Variants in CDC25A observed in about 807,000 individuals in gnomAD.
CDC25A encodes the protein M-phase inducer phosphatase 1.
Under a neutral mutation model 64.6 loss-of-function variants are expected in CDC25A, and 17 were observed. That is an observed-to-expected ratio of 0.26 (90% CI 0.18 to 0.39). CDC25A has a LOEUF of 0.39. Among genes scored for constraint, CDC25A ranks in the 10% least tolerant of loss-of-function variants. CDC25A has a pLI of 1.00. For missense variants in CDC25A, 473 were observed against 654.8 expected (o/e 0.72, Z 3.03); for synonymous variants, 229 against 238.6 (o/e 0.96, Z 0.37).
chr3:48,172,043 C>A (rs1394313043), intron 9 of CDC25A, among the ~76,000 whole-genome samples: 1 of 152,072 alleles, frequency 6.6e-6, no homozygotes, highest in Non-Finnish European at 1.5e-5. Context: ...GTGGTGCATG[C>A]CTGTAGTCCC....
chr3:48,185,925 A>G (rs1217247520), intron 2 of CDC25A, among the ~76,000 whole-genome samples: 3 of 152,202 alleles, frequency 2.0e-5, no homozygotes, highest in African/African-American at 4.8e-5. Context: ...CCTACATTAC[A>G]TTTTAAGACT....
chr3:48,187,469 T>A (rs2032883469), intron 1 of CDC25A, among the ~76,000 whole-genome samples: 2 of 152,188 alleles, frequency 1.3e-5, no homozygotes, highest in Non-Finnish European at 2.9e-5. Flanking sequence ...CGGGGGTAGA[T>A]TCCAAAGAGC....
At chr3:48,164,236 C>T in intron 13 of CDC25A, 71 bp downstream of exon 13, 1 of 1,415,442 alleles carries the variant, frequency 7.1e-7, no homozygotes, top group South Asian at 1.6e-5. Context: ...AAGTGCAAGC[C>T]ACAAACCACC....
chr3:48,171,999 T>TA (rs558850316), intron 9 of CDC25A, among the ~76,000 whole-genome samples: 1 of 151,818 alleles, frequency 6.6e-6, no homozygotes, highest in Non-Finnish European at 1.5e-5. Context: ...CTACAAAAAA[T>TA]AAAAAAAAAT....
At chr3:48,170,338 T>C (rs886287365) in intron 9 of CDC25A, among the ~76,000 whole-genome samples, 4 of 152,216 alleles carry the variant, frequency 2.6e-5, no homozygotes, top group Non-Finnish European at 5.9e-5. Context: ...CTCTGGATCT[T>C]CTGATCTACG....
chr3:48,159,719 A>G (rs1285562729), intron 13 of CDC25A, among the ~76,000 whole-genome samples: 1 of 151,854 alleles, frequency 6.6e-6, no homozygotes, highest in East Asian at 1.9e-4. Flanking sequence ...CACCTTCACC[A>G]CCACAGTTTG....
chr3:48,187,663 G>A, intron 1 of CDC25A, 115 bp downstream of exon 1: 1 of 1,066,202 alleles, frequency 9.4e-7, no homozygotes, highest in Non-Finnish European at 1.3e-6. Context: ...GTCCCCGAGC[G>A]GCGAACCCGG....
intron 2 of CDC25A, 129 bp from the exon 3 acceptor site, chr3:48,184,824 T>C (rs1479081577): frequency 1.6e-6 from 1 of 639,318 alleles, no homozygotes; most frequent in Non-Finnish European, 2.7e-6. Context: ...GGCTTGTACT[T>C]TTGCCAGAAT....
chr3:48,176,142 C>T (rs1359715807), intron 8 of CDC25A, among the ~76,000 whole-genome samples: 3 of 152,186 alleles, frequency 2.0e-5, no homozygotes, highest in Non-Finnish European at 4.4e-5. Context: ...CACTGCACCC[C>T]AGCCTGGGCA....
chr3:48,184,378 A>G (rs2032774666), intron 3 of CDC25A, among the ~76,000 whole-genome samples: 1 of 152,002 alleles, frequency 6.6e-6, no homozygotes, highest in Admixed American at 6.6e-5. Flanking sequence ...CAAACAAAAA[A>G]ACCCCACATG....
chr3:48,171,474 G>C (rs1402812484), intron 9 of CDC25A, among the ~76,000 whole-genome samples: 1 of 148,696 alleles, frequency 6.7e-6, no homozygotes, highest in East Asian at 2.0e-4. Context: ...TCCATTTCCC[G>C]GGTTCAAGCG....
chr3:48,167,111 T>C (rs957215002), intron 10 of CDC25A, among the ~76,000 whole-genome samples: 1 of 152,178 alleles, frequency 6.6e-6, no homozygotes, highest in African/African-American at 2.4e-5. Context: ...CTCACTAAAA[T>C]TTATTTCAGT....
rs371829889 is a variant in CDC25A, at chr3:48,177,933, G to T, written c.605C>A (p.Thr202Lys). The T allele has an allele frequency of 1.3e-5, 21 of 1,613,468 alleles. No homozygotes were observed. Among genetic ancestry groups the T allele is most frequent in the Non-Finnish European group, 1.6e-5 (19 of 1,179,728 alleles). Residue 202 changes from threonine to lysine, a missense_variant, in exon 7 of 15, where the codon ACA becomes AAA. Transcript: ENST00000302506. Reference sequence around the variant, plus strand: ...AGTGGCTGTCACAGGTGACTGGGGTGTAAAAAGAGGAATGAAATTCCCTGG... The same window carrying T: ...AGTGGCTGTCACAGGTGACTGGGGTTTAAAAAGAGGAATGAAATTCCCTGG... ...SEPGNFIPLF[T>K]PQSPVTATLS...
chr3:48,164,456 C>A lies in CDC25A; in HGVS notation c.1192-19G>T. On this transcript the variant is annotated intron_variant, in intron 12 of 14. Coordinates refer to ENST00000302506, the MANE Select transcript of CDC25A (RefSeq NM_001789.3). Reference sequence around the variant, plus strand: ...CTGCACCCTGTGAAGACAACAGAGACCCTTGGAACCTGCACGTTTCACACA... The same window carrying A: ...CTGCACCCTGTGAAGACAACAGAGAACCTTGGAACCTGCACGTTTCACACA... 6.6e-7 allele frequency: 1 copy of A among 1,506,794 alleles called. No homozygotes were observed. Among genetic ancestry groups the A allele is most frequent in the South Asian group, 1.3e-5 (1 of 74,086 alleles). The allele number at this position is 1,506,794 out of a possible 1,614,324, so 93.3% of individuals were successfully genotyped here. A position where few individuals can be genotyped will look rare whatever the true frequency, so the allele number is the denominator to read the frequency against.
chr3:48,187,635 G>A, intron 1 of CDC25A, 143 bp downstream of exon 1: 1 of 779,780 alleles, frequency 1.3e-6, no homozygotes, highest in Non-Finnish European at 1.9e-6. Context: ...GGTGCACATG[G>A]CAGGCCCTAG....
At chr3:48,161,432 TTGGGCTGGGCA>T (rs1418991477) in intron 13 of CDC25A, 2 of 155,274 alleles carry the variant, frequency 1.3e-5, no homozygotes, top group Non-Finnish European at 2.9e-5. Flanking sequence ...ATAGCATCTT[TTGGGCTGGGCA>T]TGGCGGCTCA....
Position 48,177,835 on chromosome 3 carries a change from AC to A in CDC25A, c.684+18del. 1 of 1,590,900 alleles carries A rather than the reference AC, an allele frequency of 6.3e-7. No homozygotes were observed. The highest frequency in any genetic ancestry group is 2.3e-5 in the East Asian group (1 of 44,308). On this transcript the variant is annotated intron_variant, in intron 7 of 14. Coordinates refer to ENST00000302506, the MANE Select transcript of CDC25A (RefSeq NM_001789.3). ...TAATTAGTAGAACAAATAGGAACACACACACACACACACGGTACCTTCAGAT... is the reference window on the plus strand; with the variant it reads ...TAATTAGTAGAACAAATAGGAACACAACACACACACACGGTACCTTCAGAT...
chr3:48,173,074 C>A (rs553361807), intron 9 of CDC25A, among the ~76,000 whole-genome samples: 3 of 151,866 alleles, frequency 2.0e-5, no homozygotes, highest in African/African-American at 7.2e-5. Context: ...AAAAAATTAG[C>A]CAGGCGTGGT....
chr3:48,163,156 G>A (rs1329494643), intron 13 of CDC25A, among the ~76,000 whole-genome samples: 6 of 149,716 alleles, frequency 4.0e-5, no homozygotes, highest in South Asian at 2.1e-4. Context: ...GGTGGTGCAC[G>A]CCTGTTATCC....
Sources: gnomAD v4.1 joint callset for allele counts (sites outside exome capture counted in the v4.1 genomes callset) on GRCh38, gnomAD v4.1.1 for gene constraint, MANE v1.5 for transcripts, NCBI Gene and HGNC (gene_info 2026-07-23, HGNC 2026-07-21) for gene names.